The following FOXP1 variants were observed in gnomAD, a reference collection of about 807,000 sequenced individuals.
FOXP1 encodes forkhead box P1, also known as forkhead box protein P1.
Under a neutral mutation model 98.2 loss-of-function variants are expected in FOXP1, and 15 were observed. The observed-to-expected ratio is 0.15, with a 90% CI of 0.10 to 0.24. The LOEUF is 0.24. Ranked by LOEUF, FOXP1 falls within the 10% of genes least tolerant of loss-of-function variation. The pLI is 1.00. For synonymous variants in FOXP1, 371 were observed against 314.5 expected (o/e 1.18, Z -1.90); for missense variants, 633 against 848.5 (o/e 0.75, Z 3.15).
chr3:71,049,903 G>A (rs1056437283), intron 9 of FOXP1, among the ~76,000 whole-genome samples: 2 of 152,094 alleles, frequency 1.3e-5, no homozygotes, highest in Non-Finnish European at 2.9e-5. Context: ...CTGGGTCTCA[G>A]ACAAATCCAC....
At chr3:71,562,079 C>A (rs999829598) in intron 2 of FOXP1, among the ~76,000 whole-genome samples, 1 of 152,174 alleles carries the variant, frequency 6.6e-6, no homozygotes, top group Admixed American at 6.5e-5. Context: ...AACCAAGACT[C>A]TCCAACCAAG....
chr3:71,232,942 T>TACC (rs752937811), intron 5 of FOXP1, among the ~76,000 whole-genome samples: 1,388 of 135,974 alleles, frequency 0.01, 15 homozygotes, highest in African/African-American at 0.034. Context: ...ACAATACTAC[T>TACC]ACCACCACCA....
At chr3:71,568,698 G>A (rs2047105115) in intron 2 of FOXP1, among the ~76,000 whole-genome samples, 1 of 151,552 alleles carries the variant, frequency 6.6e-6, no homozygotes, top group Non-Finnish European at 1.5e-5. Context: ...CCAGGCTGGA[G>A]TGAAGTGGCG....
chr3:71,478,413 T>A (rs2090020348), intron 3 of FOXP1, among the ~76,000 whole-genome samples: 1 of 152,204 alleles, frequency 6.6e-6, no homozygotes, highest in East Asian at 1.9e-4. Context: ...CTCTCTCTTG[T>A]GAAGTTTGCC....
intron 6 of FOXP1, among the ~76,000 whole-genome samples, chr3:71,175,875 T>C (rs1437419603): frequency 6.6e-6 from 1 of 152,190 alleles, no homozygotes; most frequent in East Asian, 1.9e-4. Flanking sequence ...GGAGCAGTGT[T>C]CTATGTGAGC....
chr3:71,166,301 C>T (rs1440374710), intron 6 of FOXP1, among the ~76,000 whole-genome samples: 2 of 152,130 alleles, frequency 1.3e-5, no homozygotes, highest in Non-Finnish European at 2.9e-5. Context: ...TGACAAGAGC[C>T]GCTAGCGTGA....
chr3:71,058,280 T>C (rs1484865277), intron 7 of FOXP1, among the ~76,000 whole-genome samples: 1 of 152,150 alleles, frequency 6.6e-6, no homozygotes, highest in South Asian at 2.1e-4. Context: ...ACACATAAAT[T>C]TTGCACGTTG....
At chr3:70,977,555 A>G in intron 16 of FOXP1, 88 bp downstream of exon 16, 3 of 1,135,230 alleles carry the variant, frequency 2.6e-6, no homozygotes, top group East Asian at 2.3e-5. Flanking sequence ...CTTGCATACT[A>G]AACGGTTTTT....
At chr3:71,320,323 C>T (rs1366333159) in intron 4 of FOXP1, among the ~76,000 whole-genome samples, 3 of 151,900 alleles carry the variant, frequency 2.0e-5, no homozygotes, top group South Asian at 2.1e-4. Flanking sequence ...GGATGTTAGC[C>T]GCTGCTTGGT....
At chr3:71,462,136 G>C (rs552883162) in intron 3 of FOXP1, among the ~76,000 whole-genome samples, 2 of 152,244 alleles carry the variant, frequency 1.3e-5, no homozygotes, top group African/African-American at 4.8e-5. Context: ...ATAAACACTT[G>C]CCGCATAAAA....
intron 2 of FOXP1, among the ~76,000 whole-genome samples, chr3:71,541,126 T>C (rs1359544297): frequency 6.6e-6 from 1 of 152,222 alleles, no homozygotes; most frequent in Non-Finnish European, 1.5e-5. Context: ...TATAAGGCCA[T>C]TGCCAAGTCT....
chr3:71,271,372 T>C (rs1252580785), intron 5 of FOXP1, among the ~76,000 whole-genome samples: 1 of 152,246 alleles, frequency 6.6e-6, no homozygotes, highest in Non-Finnish European at 1.5e-5. Flanking sequence ...GTGTTAACGA[T>C]AATTTTACTT....
At chr3:71,022,181 GCACCATTTGATAAAAA>G (rs1470616478) in intron 11 of FOXP1, among the ~76,000 whole-genome samples, 1 of 151,900 alleles carries the variant, frequency 6.6e-6, no homozygotes, top group Non-Finnish European at 1.5e-5. Context: ...TGTTGTCCCA[GCACCATTTGATAAAAA>G]CACTACTCTA....
intron 3 of FOXP1, among the ~76,000 whole-genome samples, chr3:71,467,640 AG>A (rs1482536036): frequency 6.6e-6 from 1 of 152,230 alleles, no homozygotes; most frequent in African/African-American, 2.4e-5. Flanking sequence ...TTCCTGAGCC[AG>A]GTTAATTGGT....
At chr3:71,173,262 G>A (rs1405316602) in intron 6 of FOXP1, among the ~76,000 whole-genome samples, 1 of 151,924 alleles carries the variant, frequency 6.6e-6, no homozygotes, top group Non-Finnish European at 1.5e-5. Context: ...GATATTTCAT[G>A]AGACTGTCTC....
intron 6 of FOXP1, among the ~76,000 whole-genome samples, chr3:71,154,356 T>A (rs1005305293): frequency 9.2e-5 from 14 of 152,192 alleles, no homozygotes; most frequent in Non-Finnish European, 1.5e-4. Flanking sequence ...CTGGAATTTC[T>A]TAAGACTGAT....
At chr3:71,143,692 G>C (rs2060174332) in intron 6 of FOXP1, among the ~76,000 whole-genome samples, 1 of 152,134 alleles carries the variant, frequency 6.6e-6, no homozygotes, top group South Asian at 2.1e-4. Flanking sequence ...CCAGGAGTTA[G>C]AGGCCACCCT....
chr3:71,501,597 G>C lies in FOXP1; in HGVS notation c.-297-8042C>G, dbSNP rs1276050270. On this transcript the variant is annotated intron_variant, in intron 2 of 20. Coordinates refer to ENST00000649528, the MANE Select transcript of FOXP1 (RefSeq NM_001349338.3). ...GTGAGCCACCGTGCCCAGCCCAAAAGGTGAAAACACTTTTGAACAACAACA... is the reference window on the plus strand; with the variant it reads ...GTGAGCCACCGTGCCCAGCCCAAAACGTGAAAACACTTTTGAACAACAACA... Among the ~76,000 whole-genome samples the C allele has an allele frequency of 2.6e-5, 4 of 152,112 alleles. No individual in the cohort carries two copies. The East Asian group carries it at 7.7e-4, about 29-fold the overall frequency.
chr3:71,446,233 C>G (rs1413700851), intron 3 of FOXP1, among the ~76,000 whole-genome samples: 3 of 152,102 alleles, frequency 2.0e-5, no homozygotes, highest in Non-Finnish European at 2.9e-5. Context: ...CACTTGTGGG[C>G]ACCCTTGATT....
Sources: gnomAD v4.1 joint callset for allele counts (sites outside exome capture counted in the v4.1 genomes callset) on GRCh38, gnomAD v4.1.1 for gene constraint, MANE v1.5 for transcripts, NCBI Gene and HGNC (gene_info 2026-07-23, HGNC 2026-07-21) for gene names.